Variants in CAST observed in about 807,000 individuals in gnomAD.
CAST encodes the protein calpastatin, also known as MIR583 host.
A neutral mutation model predicts 119.6 loss-of-function variants in CAST; 76 were observed. The observed-to-expected ratio is 0.64, with a 90% CI of 0.53 to 0.77. The LOEUF is 0.77. Among genes scored for constraint, CAST ranks in the 30% least tolerant of loss-of-function variants. The pLI is 0.00. For synonymous variants in CAST, 319 were observed against 331.6 expected (o/e 0.96, Z 0.41); for missense variants, 953 against 946.5 (o/e 1.01, Z -0.09).
At chr5:96,643,725 T>C (rs1030703307) in intron 1 of CAST, among the ~76,000 whole-genome samples, 4 of 152,022 alleles carry the variant, frequency 2.6e-5, no homozygotes, top group Non-Finnish European at 5.9e-5. Flanking sequence ...ATATAAAAAT[T>C]AGCTGGGTGT....
At chr5:96,313,152 A>G in the CAST span, among the ~76,000 whole-genome samples, 3 of 152,146 alleles carry the variant, frequency 2.0e-5, no homozygotes, top group Admixed American at 6.6e-5. Flanking sequence ...GCTTTCTTCA[A>G]CTCAAGTTTT....
chr5:96,142,909 A>T, the CAST span, among the ~76,000 whole-genome samples: 2 of 152,156 alleles, frequency 1.3e-5, no homozygotes, highest in Non-Finnish European at 2.9e-5. Flanking sequence ...AATCTTATCC[A>T]GTCAGACATC....
chr5:96,271,422 A>C, the CAST span, among the ~76,000 whole-genome samples: 1 of 152,182 alleles, frequency 6.6e-6, no homozygotes, highest in Non-Finnish European at 1.5e-5. Flanking sequence ...AATGGAACAG[A>C]ATAGAGAACA....
chr5:96,354,714 A>G, the CAST span, among the ~76,000 whole-genome samples: 1 of 148,896 alleles, frequency 6.7e-6, no homozygotes, highest in East Asian at 1.9e-4. Flanking sequence ...TGCAATGTAA[A>G]TATAATATAT....
chr5:96,560,307 A>G (rs1412592940), intron 1 of CAST, among the ~76,000 whole-genome samples: 9 of 152,126 alleles, frequency 5.9e-5, no homozygotes, highest in Non-Finnish European at 1.2e-4. Flanking sequence ...CAAGGACTTC[A>G]TGTCTAAAAC....
chr5:96,526,580 T>G (rs1561406671), upstream of CAST, among the ~76,000 whole-genome samples: 1 of 152,190 alleles, frequency 6.6e-6, no homozygotes, highest in Non-Finnish European at 1.5e-5. Context: ...TTTCCTTTAC[T>G]TCAATATAGT....
At chr5:96,312,954 A>G in the CAST span, among the ~76,000 whole-genome samples, 3,401 of 152,220 alleles carry the variant, frequency 0.022, 147 homozygotes, top group African/African-American at 0.078. Context: ...ACATTTGTTC[A>G]TTACATACTA....
chr5:96,749,268 T>A lies in CAST; in HGVS notation c.1428+655T>A, dbSNP rs60891609. On this transcript the variant is annotated intron_variant, in intron 19 of 31. Transcript: ENST00000675179. ...CTCCCTAAGCTATATCCATCCAACC[T>A]TTATTAAGCAGAACACAACATGGCA... is the stretch of plus-strand genomic sequence containing the variant. Among the ~76,000 whole-genome samples, 954 of 152,332 alleles carry A rather than the reference T, an allele frequency of 6.3e-3. 11 individuals are homozygous for A. Among genetic ancestry groups the A allele is most frequent in the African/African-American group, 0.022 (902 of 41,588 alleles).
At chr5:96,691,675 G>A (rs192108291) in intron 2 of CAST, among the ~76,000 whole-genome samples, 22 of 152,286 alleles carry the variant, frequency 1.4e-4, no homozygotes, top group African/African-American at 4.8e-4. Flanking sequence ...ATCACCTTCC[G>A]AGGTATGAGC....
Position 96,618,536 on chromosome 5 carries a change from G to T in CAST, c.61-57003G>T, listed in dbSNP as rs193162367. Among the ~76,000 whole-genome samples, 63 of 152,370 alleles carry T rather than the reference G, an allele frequency of 4.1e-4. 1 individual carries two copies. In the East Asian group the frequency reaches 0.012, roughly 29 times the overall value. ...GGGAGACGCACGGGTGGGAACCGGG[G>T]CTGCGCATGGCGCTCGCGAGCTAGC... is the stretch of plus-strand genomic sequence containing the variant. On this transcript the variant is annotated intron_variant, in intron 1 of 11. Coordinates refer to the CAST transcript ENST00000505143.
At chr5:96,526,307 G>A (rs571911849), upstream of CAST, among the ~76,000 whole-genome samples, 1 of 152,302 alleles carries the variant, frequency 6.6e-6, no homozygotes, top group African/African-American at 2.4e-5. Context: ...TGGGGATTTG[G>A]AGAGCAGGGA....
At chr5:96,406,489 C>A in the CAST span, among the ~76,000 whole-genome samples, 2 of 152,208 alleles carry the variant, frequency 1.3e-5, no homozygotes, top group African/African-American at 4.8e-5. Context: ...TTGCCAGCCC[C>A]TCCAAGTAGG....
chr5:96,268,523 A>T, the CAST span, among the ~76,000 whole-genome samples: 1 of 152,154 alleles, frequency 6.6e-6, no homozygotes, highest in African/African-American at 2.4e-5. Flanking sequence ...GGCCACAGTG[A>T]GGTATGATTG....
the CAST span, among the ~76,000 whole-genome samples, chr5:96,420,624 C>T: frequency 6.6e-6 from 1 of 152,094 alleles, no homozygotes; most frequent in Non-Finnish European, 1.5e-5. Context: ...TGTACCCCAG[C>T]CTCCCATCCT....
At chr5:96,003,348 C>T in the CAST span, among the ~76,000 whole-genome samples, 2 of 152,124 alleles carry the variant, frequency 1.3e-5, no homozygotes, top group East Asian at 3.9e-4. Flanking sequence ...ACCATCCTGG[C>T]TAACACGGTG....
At chr5:96,604,974 C>T (rs893945090) in intron 1 of CAST, among the ~76,000 whole-genome samples, 38 of 152,128 alleles carry the variant, frequency 2.5e-4, no homozygotes, top group Middle Eastern at 3.4e-3. Flanking sequence ...TCTGTAGAGG[C>T]GGAGGAGAAG....
chr5:96,135,381 T>C, the CAST span, among the ~76,000 whole-genome samples: 8 of 152,124 alleles, frequency 5.3e-5, no homozygotes, highest in African/African-American at 1.7e-4. Flanking sequence ...GGAAATAGAA[T>C]TGCTGATGGG....
chr5:96,263,169 T>C, the CAST span, among the ~76,000 whole-genome samples: 1 of 152,146 alleles, frequency 6.6e-6, no homozygotes, highest in Non-Finnish European at 1.5e-5. Context: ...TTTTAAAAGA[T>C]CCCCAAGTGA....
At chr5:96,437,356 A>C in the CAST span, among the ~76,000 whole-genome samples, 2 of 152,222 alleles carry the variant, frequency 1.3e-5, no homozygotes, top group Non-Finnish European at 2.9e-5. Flanking sequence ...TGGATAATTA[A>C]ATGTGGCCAT....
Sources: gnomAD v4.1 joint callset for allele counts (sites outside exome capture counted in the v4.1 genomes callset) on GRCh38, gnomAD v4.1.1 for gene constraint, MANE v1.5 for transcripts, NCBI Gene and HGNC (gene_info 2026-07-23, HGNC 2026-07-21) for gene names.